CCDC90B: variants seen among roughly 807,000 people sequenced by gnomAD.
CCDC90B encodes the protein coiled-coil domain containing 90B, also known as coiled-coil domain-containing protein 90B, mitochondrial.
A neutral mutation model predicts 37.0 loss-of-function variants in CCDC90B; 24 were observed. The ratio of observed to expected loss-of-function variants is 0.65; its 90% confidence interval spans 0.47 to 0.91. The LOEUF (loss-of-function observed/expected upper bound fraction) is 0.91, where lower values mean the gene tolerates loss of function less well. CCDC90B is among the 40% of genes least tolerant of loss of function. The pLI is 0.00. For missense variants in CCDC90B, 319 were observed against 299.0 expected (o/e 1.07, Z -0.49); for synonymous variants, 113 against 101.1 (o/e 1.12, Z -0.71).
In CCDC90B at chr11:83,278,719, G is replaced by GA; in HGVS notation, c.324+6_324+7insT. ...AGTATCAGAAGTGATAGTAATCAGT[G>GA]TATTACCTGTTGAGCTTGAGTGACC... On this transcript the variant is annotated splice_region_variant and intron_variant, in intron 3 of 8. Coordinates refer to ENST00000529689, the MANE Select transcript of CCDC90B (RefSeq NM_021825.5). 6.5e-7 allele frequency: 1 copy of GA among 1,546,102 alleles called. No individual in the cohort carries two copies. The highest frequency in any genetic ancestry group is 1.1e-5 in the South Asian group (1 of 89,334).
At position 83,285,451 on chromosome 11, in the gene CCDC90B, C is replaced by G. The variant is rs905465381; in HGVS notation, c.100+422G>C. On this transcript the variant is annotated intron_variant, in intron 1 of 8. Transcript: ENST00000529689. ...CAGACGTGGCCTGAAATTTATGATG[C>G]TGTCTACCAAAAACCTGGGCTCGAG... The G allele has an allele frequency of 6.2e-6, 7 of 1,120,924 alleles. No individual in the cohort carries two copies. The Admixed American group carries it at 2.9e-4, about 47-fold the overall frequency. 69.4% of individuals were successfully genotyped at this position (1,120,924 alleles called of 1,614,324 possible). A position where few individuals can be genotyped will look rare whatever the true frequency, so the allele number is the denominator to read the frequency against.
rs1591071664 is a variant in CCDC90B, at chr11:83,286,324, A to G, written c.-352T>C. ...AACAGCTGGCTCCCCCAAGATAGCC[A>G]GCGGCCATTACGCGCTTGGGTCGGG... On this transcript the variant is annotated 5_prime_UTR_variant, in exon 1 of 9. Coordinates refer to ENST00000529689, the MANE Select transcript of CCDC90B (RefSeq NM_021825.5). 1.2e-6 allele frequency: 1 copy of G among 831,542 alleles called. No individual in the cohort carries two copies. Among genetic ancestry groups the G allele is most frequent in the South Asian group, 1.8e-5 (1 of 56,496 alleles). 51.5% of individuals were successfully genotyped at this position (831,542 alleles called of 1,614,324 possible).
At chr11:83,268,109 A>G (rs1317518532) in intron 7 of CCDC90B, among the ~76,000 whole-genome samples, 1 of 152,234 alleles carries the variant, frequency 6.6e-6, no homozygotes, top group Non-Finnish European at 1.5e-5. Flanking sequence ...AGGAAGCACT[A>G]AACATGGAAA....
chr11:83,281,495 C>A (rs1289734076), intron 1 of CCDC90B, among the ~76,000 whole-genome samples: 3 of 152,044 alleles, frequency 2.0e-5, no homozygotes, highest in African/African-American at 7.2e-5. Context: ...CCAAAAAATT[C>A]TATTTAACTG....
intron 8 of CCDC90B, among the ~76,000 whole-genome samples, chr11:83,263,569 A>G (rs1295943156): frequency 6.6e-6 from 1 of 152,230 alleles, no homozygotes; most frequent in African/African-American, 2.4e-5. Context: ...CTGCCACATT[A>G]TCTACATAGA....
rs2135575888 is a variant in CCDC90B at position 83,260,770 on chromosome 11, T to G, written c.*1141A>C. The G allele has an allele frequency of 6.6e-6, 1 of 152,328 alleles. No homozygotes were observed. The highest frequency in any genetic ancestry group is 2.1e-4 in the South Asian group (1 of 4,830). The allele number at this position is 152,328 out of a possible 1,614,324, so 9.4% of individuals were successfully genotyped here. ...TGAAAAGGATATTTTAAAATTTCTT[T>G]GAAATTACATATGATTTACTAATAG... is the stretch of plus-strand genomic sequence containing the variant. On this transcript the variant is annotated 3_prime_UTR_variant, in exon 9 of 9. Transcript: ENST00000529689.
At chr11:83,280,360 C>T in intron 1 of CCDC90B, 100 bp from the exon 2 acceptor site, 1 of 1,063,114 alleles carries the variant, frequency 9.4e-7, no homozygotes, top group Non-Finnish European at 1.4e-6. Context: ...AATATAGTTC[C>T]AGCTCTTCTA....
intron 3 of CCDC90B, among the ~76,000 whole-genome samples, chr11:83,277,995 A>C (rs1865146493): frequency 6.6e-6 from 1 of 152,204 alleles, no homozygotes; most frequent in African/African-American, 2.4e-5. Context: ...AACATAATAC[A>C]TTATTTCATG....
chr11:83,273,279 A>C, intron 7 of CCDC90B: 1 of 145,390 alleles, frequency 6.9e-6, no homozygotes, highest in Non-Finnish European at 1.5e-5. Context: ...TTTTTGAGAC[A>C]GGGTCTTGCT....
rs1195993367 is a variant in CCDC90B at position 83,260,767 on chromosome 11, C to A, written c.*1144G>T. The A allele has an allele frequency of 6.6e-6, 1 of 152,042 alleles. No homozygotes were observed. Among genetic ancestry groups the A allele is most frequent in the Non-Finnish European group, 1.5e-5 (1 of 67,988 alleles). The allele number at this position is 152,042 out of a possible 1,614,324, so 9.4% of individuals were successfully genotyped here. On this transcript the variant is annotated 3_prime_UTR_variant, in exon 9 of 9. Transcript: ENST00000529689. ...AGATGAAAAGGATATTTTAAAATTT[C>A]TTTGAAATTACATATGATTTACTAA...
chr11:83,280,003 G>A (rs1865290850), intron 2 of CCDC90B, 138 bp downstream of exon 2: 2 of 728,490 alleles, frequency 2.7e-6, no homozygotes, highest in Admixed American at 3.3e-5. Context: ...ATCATTTTTA[G>A]TGACTATAAA....
At chr11:83,272,914 G>A (rs1864767647) in intron 7 of CCDC90B, among the ~76,000 whole-genome samples, 2 of 152,090 alleles carry the variant, frequency 1.3e-5, no homozygotes, top group African/African-American at 4.8e-5. Context: ...TTCCAAGTTA[G>A]GGATTTAGAA....
chr11:83,267,192 T>C (rs1056777008), intron 7 of CCDC90B: 3 of 152,208 alleles, frequency 2.0e-5, no homozygotes, highest in African/African-American at 7.2e-5. Flanking sequence ...CTAAAAATCA[T>C]AGTGCCTCTT....
intron 4 of CCDC90B, 25 bp from the exon 5 acceptor site, chr11:83,274,017 A>G: frequency 2.7e-6 from 4 of 1,503,062 alleles, no homozygotes; most frequent in Non-Finnish European, 3.5e-6. Flanking sequence ...GATCACATGC[A>G]ATTAGCATTA....
At chr11:83,266,085 G>C (rs72954631) in intron 7 of CCDC90B, 106 bp from the exon 8 acceptor site, 13,936 of 605,350 alleles carry the variant, frequency 0.023, 374 homozygotes, top group South Asian at 0.076. Flanking sequence ...TGATATAAAA[G>C]TCTTAGTTGG....
Position 83,259,401 on chromosome 11 carries a change from A to G in CCDC90B, c.*2510T>C, listed in dbSNP as rs559349252. On this transcript the variant is annotated 3_prime_UTR_variant, in exon 9 of 9. Coordinates refer to ENST00000529689, the MANE Select transcript of CCDC90B (RefSeq NM_021825.5). ...AATGGGGACAGGGTATGGTATGCAT[A>G]TTTCTATTCTTCTGTTATTGGATAC... 4 of 152,188 alleles carry G rather than the reference A, an allele frequency of 2.6e-5. No individual in the cohort carries two copies. Among genetic ancestry groups the G allele is most frequent in the Non-Finnish European group, 5.9e-5 (4 of 68,030 alleles). 9.4% of individuals were successfully genotyped at this position (152,188 alleles called of 1,614,324 possible).
intron 2 of CCDC90B, among the ~76,000 whole-genome samples, chr11:83,279,229 C>T (rs913390727): frequency 1.2e-4 from 18 of 151,606 alleles, no homozygotes; most frequent in South Asian, 4.2e-4. Context: ...TGCAGTAAGC[C>T]GAGATCGCGC....
intron 3 of CCDC90B, among the ~76,000 whole-genome samples, chr11:83,275,123 TG>T (rs1267204857): frequency 6.6e-6 from 1 of 152,160 alleles, no homozygotes; most frequent in African/African-American, 2.4e-5. Flanking sequence ...GAAAATTCCA[TG>T]GTATTGGATA....
At chr11:83,269,023 A>G (rs891330303) in intron 7 of CCDC90B, among the ~76,000 whole-genome samples, 3 of 152,258 alleles carry the variant, frequency 2.0e-5, no homozygotes, top group African/African-American at 7.2e-5. Context: ...TACTGGGTAC[A>G]TAACGAAATG....
Sources: allele counts gnomAD v4.1 joint callset (sites outside exome capture counted in the v4.1 genomes callset), GRCh38; gene constraint gnomAD v4.1.1; transcripts MANE v1.5; gene names NCBI Gene and HGNC (gene_info 2026-07-23, HGNC 2026-07-21).